The following ATP8A1 variants were observed in gnomAD, a reference collection of about 807,000 sequenced individuals.
ATP8A1 encodes ATPase phospholipid transporting 8A1, also known as phospholipid-transporting ATPase IA.
A neutral mutation model predicts 177.7 loss-of-function variants in ATP8A1; 90 were observed. The ratio of observed to expected loss-of-function variants is 0.51; its 90% confidence interval spans 0.43 to 0.60. The LOEUF is 0.60. Ranked by LOEUF, ATP8A1 falls within the 20% of genes least tolerant of loss-of-function variation. The pLI is 0.00. For missense variants in ATP8A1, 1,072 were observed against 1,392.8 expected (o/e 0.77, Z 3.67); for synonymous variants, 493 against 485.9 (o/e 1.01, Z -0.19).
chr4:42,436,252 C>T (rs891296661), intron 33 of ATP8A1, among the ~76,000 whole-genome samples: 1 of 152,080 alleles, frequency 6.6e-6, no homozygotes, highest in African/African-American at 2.4e-5. Flanking sequence ...TCCTTGAGGA[C>T]AAGGCCAATT....
At position 42,654,413 on chromosome 4, in the gene ATP8A1, A is replaced by AG. The variant is rs575938352; in HGVS notation, c.49+2411dup. Among the ~76,000 whole-genome samples, 69 of 152,174 alleles carry AG rather than the reference A, an allele frequency of 4.5e-4. 1 individual carries two copies. In the South Asian group the frequency reaches 0.011, roughly 25 times the overall value. ...ACAGAAACCCATTCAAGTCATTTCA[A>AG]GGGGGGGAAAAGAGCTTATTTTAAT... On this transcript the variant is annotated intron_variant, in intron 1 of 36. Transcript: ENST00000381668.
chr4:42,592,797 G>C (rs994941508), intron 6 of ATP8A1, among the ~76,000 whole-genome samples: 3 of 152,058 alleles, frequency 2.0e-5, no homozygotes, highest in African/African-American at 7.2e-5. Flanking sequence ...ATAGTGTAAA[G>C]AAACAGTAAC....
chr4:42,533,285 A>G (rs1221037225), intron 20 of ATP8A1, among the ~76,000 whole-genome samples: 1 of 152,112 alleles, frequency 6.6e-6, no homozygotes, highest in Non-Finnish European at 1.5e-5. Flanking sequence ...CTGCTTGGGA[A>G]CAAACTTGGT....
intron 20 of ATP8A1, among the ~76,000 whole-genome samples, chr4:42,530,326 C>T (rs1243498765): frequency 6.6e-6 from 1 of 152,206 alleles, no homozygotes; most frequent in Non-Finnish European, 1.5e-5. Flanking sequence ...ATCAGCCAGC[C>T]ACCTGGTGGC....
chr4:42,457,688 C>T (rs193093532), intron 27 of ATP8A1, among the ~76,000 whole-genome samples: 1 of 152,250 alleles, frequency 6.6e-6, no homozygotes, highest in African/African-American at 2.4e-5. Context: ...ACGAATGGTC[C>T]CCTAGCTTCT....
chr4:42,467,317 G>T (rs1560357161), intron 25 of ATP8A1, among the ~76,000 whole-genome samples: 1 of 152,122 alleles, frequency 6.6e-6, no homozygotes, highest in African/African-American at 2.4e-5. Flanking sequence ...TAAGAAAAAA[G>T]AAAATGATAT....
At position 42,581,627 on chromosome 4, in the gene ATP8A1, C is replaced by T. The variant is rs750229287; in HGVS notation, c.828G>A (p.Leu276=). 3.1e-6 allele frequency: 5 copies of T among 1,613,060 alleles called. No homozygotes were observed. Among genetic ancestry groups the T allele is most frequent in the East Asian group, 2.2e-5 (1 of 44,880 alleles). The change falls in exon 10 of 37, where the codon CTG becomes CTA. Residue 276 remains leucine, a synonymous_variant. Coordinates refer to ENST00000381668, the MANE Select transcript of ATP8A1 (RefSeq NM_006095.2). ...TCATAGAGAAAAATTTCACCTGCAT[C>T]AGCTTGGTGTCATGTCCAGTGTAGA... ...IVVYTGHDTK[L]MQNSTSPPLK...
intron 1 of ATP8A1, among the ~76,000 whole-genome samples, chr4:42,635,806 T>TATATATATATATATATATATAC (rs1353863477): frequency 8.6e-6 from 1 of 116,210 alleles, no homozygotes; most frequent in Non-Finnish European, 1.7e-5. Context: ...TATATATATA[T>TATATATATATATATATATATAC]ATATACACAT....
chr4:42,555,135 ATCTAATCT>A (rs1332305413), intron 16 of ATP8A1, among the ~76,000 whole-genome samples: 1,358 of 59,024 alleles, frequency 0.023, 3 homozygotes, highest in African/African-American at 0.026. Context: ...CTATCTATCT[ATCTAATCT>A]ATCTATCTAT....
chr4:42,440,819 A>G (rs1716545155), intron 33 of ATP8A1, among the ~76,000 whole-genome samples: 1 of 152,140 alleles, frequency 6.6e-6, no homozygotes, highest in Admixed American at 6.5e-5. Flanking sequence ...ACCAGCACAG[A>G]GCAGAACAGG....
intron 33 of ATP8A1, among the ~76,000 whole-genome samples, chr4:42,441,101 C>T (rs1293659944): frequency 6.6e-6 from 1 of 152,066 alleles, no homozygotes; most frequent in Non-Finnish European, 1.5e-5. Flanking sequence ...CTGCTCTGGG[C>T]CGTGTTTCAT....
chr4:42,494,693 CTTA>C (rs1723092205), intron 24 of ATP8A1, among the ~76,000 whole-genome samples: 1 of 152,158 alleles, frequency 6.6e-6, no homozygotes, highest in Non-Finnish European at 1.5e-5. Flanking sequence ...GATTTTCTCT[CTTA>C]ATTTCTGTCT....
chr4:42,513,963 T>C (rs906566156), intron 22 of ATP8A1, among the ~76,000 whole-genome samples: 3 of 152,170 alleles, frequency 2.0e-5, no homozygotes, highest in African/African-American at 2.4e-5. Flanking sequence ...TTCTCAGAGG[T>C]TGCTGGGCTC....
intron 25 of ATP8A1, among the ~76,000 whole-genome samples, chr4:42,483,277 A>G (rs967442992): frequency 6.6e-6 from 1 of 151,464 alleles, no homozygotes; most frequent in African/African-American, 2.4e-5. Flanking sequence ...GCTTAGACCA[A>G]TTCTCAAACA....
At chr4:42,522,105 T>C in intron 22 of ATP8A1, 55 bp downstream of exon 22, 2 of 1,554,928 alleles carry the variant, frequency 1.3e-6, no homozygotes, top group Non-Finnish European at 1.7e-6. Context: ...TGAATAAAGA[T>C]CAAAACTATC....
chr4:42,515,841 C>T (rs527715776), intron 22 of ATP8A1, among the ~76,000 whole-genome samples: 8 of 152,346 alleles, frequency 5.3e-5, no homozygotes, highest in African/African-American at 1.9e-4. Flanking sequence ...ATGATTTTCT[C>T]ACATTTATAT....
chr4:42,527,837 C>A (rs1203989517), intron 20 of ATP8A1, among the ~76,000 whole-genome samples: 1 of 152,152 alleles, frequency 6.6e-6, no homozygotes, highest in Non-Finnish European at 1.5e-5. Flanking sequence ...AGTTTATAGA[C>A]CCAGAACCCC....
intron 1 of ATP8A1, among the ~76,000 whole-genome samples, chr4:42,642,152 C>A (rs1469847776): frequency 1.3e-5 from 2 of 152,172 alleles, no homozygotes; most frequent in Non-Finnish European, 2.9e-5. Context: ...ACAGACATTA[C>A]CCAGGATAAG....
At chr4:42,526,675 T>C (rs1424035381) in intron 20 of ATP8A1, among the ~76,000 whole-genome samples, 1 of 152,118 alleles carries the variant, frequency 6.6e-6, no homozygotes, top group Non-Finnish European at 1.5e-5. Flanking sequence ...TGTGGGACCT[T>C]GTGATTGTGT....
Sources: allele counts gnomAD v4.1 joint callset (sites outside exome capture counted in the v4.1 genomes callset), GRCh38; gene constraint gnomAD v4.1.1; transcripts MANE v1.5; gene names NCBI Gene and HGNC (gene_info 2026-07-23, HGNC 2026-07-21).